HK3: variants seen among roughly 807,000 people sequenced by gnomAD.
The protein encoded by HK3 is hexokinase 3.
In HK3, 93 loss-of-function variants were observed where a neutral mutation model predicts 91.0. The ratio of observed to expected loss-of-function variants is 1.02; its 90% confidence interval spans 0.86 to 1.21. The LOEUF is 1.21. Among genes scored for constraint, HK3 ranks in the 50% most tolerant of loss-of-function variants. HK3 has a pLI of 0.00. For missense variants in HK3, 1,235 were observed against 1,247.4 expected (o/e 0.99, Z 0.15); for synonymous variants, 519 against 516.9 (o/e 1.00, Z -0.06).
chr5:176,887,255 G>A lies in HK3; in HGVS notation c.1683C>T (p.Ile561=), dbSNP rs1163196229. 6.3e-7 allele frequency: 1 copy of A among 1,596,536 alleles called. No homozygotes were observed. Among genetic ancestry groups the A allele is most frequent in the Non-Finnish European group, 8.5e-7 (1 of 1,172,850 alleles). Residue 561 remains isoleucine, a synonymous_variant, in exon 12 of 19, where the codon ATC becomes ATT. Coordinates refer to ENST00000292432, the MANE Select transcript of HK3 (RefSeq NM_002115.3). The surrounding 1 kb of genome is among the most constrained non-coding windows in gnomAD (Gnocchi z 4.9). The stretch of plus-strand genomic sequence containing the variant: ...CGGGAATGGAGTAGATCTCGCTGGT[G>A]ATCTGCACGCCTGTGGTCACACGTA... The part of the protein sequence containing the change: ...LLVRVTTGVQ[I]TSEIYSIPET...
intron 15 of HK3, 112 bp from the exon 16 acceptor site, chr5:176,882,239 T>G: frequency 9.1e-7 from 1 of 1,100,346 alleles, no homozygotes; most frequent in Non-Finnish European, 1.3e-6. Flanking sequence ...CTACCTCTCA[T>G]GCTCACAGCC....
In HK3 at chr5:176,882,079, C is replaced by G; in HGVS notation, c.2102G>C (p.Gly701Ala). Residue 701 changes from glycine (G) to alanine (A), a missense_variant, in exon 16 of 19, where the codon GGC becomes GCC. Coordinates refer to ENST00000292432, the MANE Select transcript of HK3 (RefSeq NM_002115.3). ...CATGCGGCCTGAGTCCCCAGGCACG[C>G]CCGCCACATTCCGGAGCTCCTCCAT... The part of the protein sequence containing the change: ...CYMEELRNVA[G>A]VPGDSGRMCI... The G allele has an allele frequency of 6.2e-7, 1 of 1,613,104 alleles. No homozygotes were observed. Among genetic ancestry groups the G allele is most frequent in the Non-Finnish European group, 8.5e-7 (1 of 1,180,028 alleles).
rs1208685497 is a variant in HK3 at position 176,882,096 on chromosome 5, C to T, written c.2085G>A (p.Glu695=). ...CAGGCACGCCCGCCACATTCCGGAG[C>T]TCCTCCATGTAGCAGGCATTGGTGC... ...GTGTNACYME[E]LRNVAGVPGD... is the part of the protein sequence containing the mutation. The change falls in exon 16 of 19, where the codon GAG becomes GAA. Residue 695 remains glutamate, a synonymous_variant. Transcript: ENST00000292432. 2 of 1,613,158 alleles carry T rather than the reference C, an allele frequency of 1.2e-6. No homozygotes were observed. The highest frequency in any genetic ancestry group is 1.1e-5 in the South Asian group (1 of 91,090).
chr5:176,881,234 G>T lies in HK3; in HGVS notation c.2628-17C>A. On this transcript the variant is annotated splice_polypyrimidine_tract_variant and intron_variant, in intron 18 of 18. Coordinates refer to ENST00000292432, the MANE Select transcript of HK3 (RefSeq NM_002115.3). ...CTGGAGAAGCTGTGAGAGGAGGGCT[G>T]AGGTGAGCCCAGGCCACCAGCCCCA... 6.2e-7 allele frequency: 1 copy of T among 1,613,174 alleles called. No homozygotes were observed. The highest frequency in any genetic ancestry group is 8.5e-7 in the Non-Finnish European group (1 of 1,179,894).
chr5:176,895,019 C>T (rs1264279564), intron 2 of HK3, among the ~76,000 whole-genome samples: 29 of 151,562 alleles, frequency 1.9e-4, no homozygotes, highest in Admixed American at 1.2e-3. Context: ...CCTTGTGGTC[C>T]GCTCACCTCG....
intron 6 of HK3, among the ~76,000 whole-genome samples, chr5:176,890,104 C>T (rs1758725650): frequency 6.6e-6 from 1 of 152,176 alleles, no homozygotes; most frequent in Non-Finnish European, 1.5e-5. Flanking sequence ...GCCTGTTCCT[C>T]CCAGCACTGG....
Position 176,888,444 on chromosome 5 carries a change from G to C in HK3, c.1192C>G (p.Leu398Val), listed in dbSNP as rs1216201919. 4.5e-6 allele frequency: 7 copies of C among 1,557,538 alleles called. No individual in the cohort carries two copies. Among genetic ancestry groups the C allele is most frequent in the Non-Finnish European group, 5.2e-6 (6 of 1,150,162 alleles). ...CAAVCTRAAQ[L>V]CAAALAAVLS... is the part of the protein sequence containing the mutation. ...ACAGCGGCCAGGGCGGCAGCACAGA[G>C]CTGGGCAGCCCGCGTGCACACGGCC... The change falls in exon 10 of 19, where the codon CTC becomes GTC. Residue 398 changes from leucine (L) to valine (V), a missense_variant. Transcript: ENST00000292432.
In HK3 at chr5:176,887,809, C is replaced by T. The variant is rs1444868774; in HGVS notation, c.1305-63G>A. On this transcript the variant is annotated intron_variant, in intron 10 of 18. Transcript: ENST00000292432. This position sits in a 1 kb window ranked among gnomAD's most constrained non-coding sequence, Gnocchi z 4.9. The stretch of plus-strand genomic sequence containing the variant: ...ACCCCCAGACACACACAGGTGTGCA[C>T]GGCTTGGCCCTGGACCCCCAGATAC... 7.8e-6 allele frequency: 12 copies of T among 1,530,850 alleles called. No individual in the cohort carries two copies. In the South Asian group the frequency reaches 8.7e-5, roughly 11 times the overall value. 94.8% of individuals were successfully genotyped at this position (1,530,850 alleles called of 1,614,324 possible).
At chr5:176,882,223 C>T (rs1348353827) in intron 15 of HK3, 96 bp from the exon 16 acceptor site, 1 of 1,209,026 alleles carries the variant, frequency 8.3e-7, no homozygotes, top group Non-Finnish European at 1.2e-6. Context: ...TTCGGGCTCA[C>T]TCTCTCTACC....
intron 1 of HK3, 114 bp downstream of exon 1, chr5:176,899,153 A>G (rs1409821178): frequency 1.3e-5 from 2 of 152,276 alleles, no homozygotes; most frequent in Non-Finnish European, 2.9e-5. Context: ...AAAGAAAGAG[A>G]ACCAGCTGGC....
intron 3 of HK3, 26 bp downstream of exon 3, chr5:176,891,362 C>G: frequency 6.2e-7 from 1 of 1,609,666 alleles, no homozygotes; most frequent in Non-Finnish European, 8.5e-7. Context: ...CAGGCCTGGC[C>G]ACGCATCTCA....
At chr5:176,896,028 G>A in intron 2 of HK3, 36 bp downstream of exon 2, 3 of 1,569,020 alleles carry the variant, frequency 1.9e-6, no homozygotes. Flanking sequence ...GAAGGCCTTA[G>A]ACAAGCATGA....
At chr5:176,891,250 C>A (rs1468246537) in intron 3 of HK3, 59 bp from the exon 4 acceptor site, 1 of 1,612,896 alleles carries the variant, frequency 6.2e-7, no homozygotes, top group Non-Finnish European at 8.5e-7. Context: ...GCCCTCTGCC[C>A]ACTTCCCAAA....
intron 1 of HK3, among the ~76,000 whole-genome samples, chr5:176,897,404 G>A (rs1581306207): frequency 6.6e-6 from 1 of 152,138 alleles, no homozygotes; most frequent in African/African-American, 2.4e-5. Flanking sequence ...AATATGGGAA[G>A]AGACATCTGT....
At chr5:176,885,056 G>A (rs960778697) in intron 13 of HK3, among the ~76,000 whole-genome samples, 1 of 152,194 alleles carries the variant, frequency 6.6e-6, no homozygotes, top group Non-Finnish European at 1.5e-5. Flanking sequence ...GCCCTGTGTG[G>A]GCTGCTCTCC....
chr5:176,886,546 G>C (rs994039304), intron 13 of HK3, among the ~76,000 whole-genome samples: 1 of 152,052 alleles, frequency 6.6e-6, no homozygotes, highest in Non-Finnish European at 1.5e-5. Context: ...TGTGTGCTGA[G>C]TAGGGATGTG....
At position 176,891,652 on chromosome 5, in the gene HK3, C is replaced by T. The variant is rs913911724; in HGVS notation, c.97-102G>A. The T allele has an allele frequency of 8.4e-6, 10 of 1,184,222 alleles. 1 individual carries two copies. Among genetic ancestry groups the T allele is most frequent in the African/African-American group, 3.1e-5 (2 of 65,156 alleles). 73.4% of individuals were successfully genotyped at this position (1,184,222 alleles called of 1,614,324 possible). A position where few individuals can be genotyped will look rare whatever the true frequency, so the allele number is the denominator to read the frequency against. ...GGCCTGCCCTGCCCAGCCCACTCCT[C>T]GGCTCTTCATACACCCTGACTCTCT... is the stretch of plus-strand genomic sequence containing the variant. On this transcript the variant is annotated intron_variant, in intron 2 of 18. Coordinates refer to ENST00000292432, the MANE Select transcript of HK3 (RefSeq NM_002115.3).
chr5:176,890,010 G>C (rs1009552276), intron 6 of HK3, among the ~76,000 whole-genome samples: 2 of 151,932 alleles, frequency 1.3e-5, no homozygotes, highest in South Asian at 4.2e-4. Flanking sequence ...CATCTCCCAG[G>C]ACCAGGATGA....
Position 176,891,449 on chromosome 5 carries a change from G to A in HK3, c.198C>T (p.Ala66=). ...GCATCCGGACCGCAGGGGCAGGGCT[G>A]GCCTGTCCCCTCAGCGCCTGCTCCA... ...GSMEQALRGQ[A]SPAPAVRMLP... is the part of the protein sequence containing the mutation. Residue 66 remains alanine (A), a synonymous_variant, in exon 3 of 19, where the codon GCC becomes GCT. Coordinates refer to ENST00000292432, the MANE Select transcript of HK3 (RefSeq NM_002115.3). The A allele has an allele frequency of 6.2e-7, 1 of 1,614,122 alleles. No homozygotes were observed. Among genetic ancestry groups the A allele is most frequent in the Admixed American group, 1.7e-5 (1 of 60,028 alleles).
Sources: gnomAD v4.1 joint callset for allele counts (sites outside exome capture counted in the v4.1 genomes callset) on GRCh38, gnomAD v4.1.1 for gene constraint, Gnocchi (gnomAD v3.1) non-coding constraint, MANE v1.5 for transcripts, NCBI Gene and HGNC (gene_info 2026-07-23, HGNC 2026-07-21) for gene names.